Variants in SMAD1 observed in about 807,000 individuals in gnomAD.
The protein encoded by SMAD1 is SMAD family member 1.
A neutral mutation model predicts 41.6 loss-of-function variants in SMAD1; 6 were observed. That is an observed-to-expected ratio of 0.14 (90% CI 0.08 to 0.28). The LOEUF is 0.28. Among genes scored for constraint, SMAD1 ranks in the 10% least tolerant of loss-of-function variants. The pLI is 1.00. For synonymous variants in SMAD1, 206 were observed against 203.2 expected, an observed-to-expected ratio of 1.01 and a Z score of -0.12; for missense variants, 379 against 582.6, an observed-to-expected ratio of 0.65 and a Z score of 3.60.
intron 1 of SMAD1, among the ~76,000 whole-genome samples, chr4:145,506,378 T>A (rs1254049847): frequency 2.0e-5 from 3 of 152,146 alleles, no homozygotes; most frequent in Non-Finnish European, 4.4e-5. Context: ...TTATCTTCTG[T>A]TATTTGCCTT....
At position 145,529,651 on chromosome 4, in the gene SMAD1, A is replaced by T. The variant is rs948186821; in HGVS notation, c.401-10153A>T. ...TGCCAGCCTTTTCCATGTCATTTGG[A>T]TTTATATCTGTATACTGTCAAAGAA... is the stretch of plus-strand genomic sequence containing the variant. On this transcript the variant is annotated intron_variant, in intron 2 of 6. Transcript: ENST00000302085. Among the ~76,000 whole-genome samples the T allele has an allele frequency of 5.3e-5, 8 of 152,158 alleles. No homozygotes were observed. In the East Asian group the frequency reaches 1.3e-3, roughly 26 times the overall value.
intron 2 of SMAD1, among the ~76,000 whole-genome samples, chr4:145,518,947 G>A (rs1194024033): frequency 1.6e-5 from 2 of 125,322 alleles, no homozygotes; most frequent in Non-Finnish European, 3.9e-5. Flanking sequence ...TTTGGTACAT[G>A]TATACATTGT....
At chr4:145,556,929 C>T (rs1439437059) in intron 6 of SMAD1, among the ~76,000 whole-genome samples, 4 of 152,182 alleles carry the variant, frequency 2.6e-5, no homozygotes, top group East Asian at 3.9e-4. Flanking sequence ...CTGTCCATCT[C>T]GGCCTCCCAA....
chr4:145,553,305 A>T (rs769939138), intron 5 of SMAD1, among the ~76,000 whole-genome samples: 44 of 152,004 alleles, frequency 2.9e-4, no homozygotes, highest in Non-Finnish European at 3.1e-4. Context: ...TTTATCAGTC[A>T]TACATCAGCC....
intron 1 of SMAD1, among the ~76,000 whole-genome samples, chr4:145,501,992 A>G (rs936503832): frequency 1.3e-5 from 2 of 152,204 alleles, no homozygotes; most frequent in Non-Finnish European, 2.9e-5. Context: ...AATCATTCAT[A>G]ACTAGCCACT....
chr4:145,515,324 T>G (rs59846899), intron 2 of SMAD1, among the ~76,000 whole-genome samples: 20,379 of 152,110 alleles, frequency 0.13, 2,786 homozygotes, highest in African/African-American at 0.34. Context: ...ATTGTTTTCT[T>G]TCTAAATTTA....
At chr4:145,509,616 A>G (rs1192806107) in intron 1 of SMAD1, among the ~76,000 whole-genome samples, 2 of 152,210 alleles carry the variant, frequency 1.3e-5, no homozygotes, top group African/African-American at 4.8e-5. Flanking sequence ...CATATAGAAT[A>G]TGAAGAAATA....
At chr4:145,504,956 C>T (rs1729681866) in intron 1 of SMAD1, among the ~76,000 whole-genome samples, 1 of 152,052 alleles carries the variant, frequency 6.6e-6, no homozygotes, top group Non-Finnish European at 1.5e-5. Context: ...ATGGTTTTTC[C>T]AACCTTTGTG....
chr4:145,544,751 A>G (rs772338342), intron 4 of SMAD1: 2 of 152,080 alleles, frequency 1.3e-5, no homozygotes, highest in African/African-American at 4.8e-5. Flanking sequence ...CTTATCAAAC[A>G]TAATTCTGAG....
intron 1 of SMAD1, among the ~76,000 whole-genome samples, chr4:145,499,640 A>G (rs980655443): frequency 1.3e-5 from 2 of 152,114 alleles, no homozygotes; most frequent in South Asian, 2.1e-4. Context: ...ATTTCAGCCT[A>G]TGTGCATAAG....
chr4:145,536,348 T>C (rs1319500281), intron 2 of SMAD1, among the ~76,000 whole-genome samples: 4 of 152,242 alleles, frequency 2.6e-5, no homozygotes, highest in South Asian at 2.1e-4. Flanking sequence ...CAGAGATTGC[T>C]GGAGTGGTGG....
intron 1 of SMAD1, among the ~76,000 whole-genome samples, chr4:145,495,779 CTTT>C (rs397938427): frequency 4.3e-5 from 5 of 117,470 alleles, no homozygotes; most frequent in Admixed American, 8.6e-5. Context: ...CAGTGCTTGG[CTTT>C]TTTTTTTTTT....
intron 2 of SMAD1, among the ~76,000 whole-genome samples, chr4:145,539,421 T>TA (rs1731795842): frequency 6.6e-6 from 1 of 152,254 alleles, no homozygotes; most frequent in African/African-American, 2.4e-5. Flanking sequence ...TGTGAAGTCT[T>TA]ATCAGCCAGG....
At chr4:145,506,426 A>G (rs1253734833) in intron 1 of SMAD1, among the ~76,000 whole-genome samples, 1 of 152,074 alleles carries the variant, frequency 6.6e-6, no homozygotes, top group Non-Finnish European at 1.5e-5. Flanking sequence ...TTTTTCCCCC[A>G]GTCACTTTTT....
chr4:145,537,438 T>C (rs1242812108), intron 2 of SMAD1, among the ~76,000 whole-genome samples: 1 of 152,064 alleles, frequency 6.6e-6, no homozygotes, highest in African/African-American at 2.4e-5. Context: ...GGGTAAAGGG[T>C]ATTTGAGTGT....
At chr4:145,552,602 A>T (rs1468380050) in intron 5 of SMAD1, among the ~76,000 whole-genome samples, 8 of 152,120 alleles carry the variant, frequency 5.3e-5, no homozygotes, top group Admixed American at 5.2e-4. Flanking sequence ...AATTTTACAC[A>T]CACAGTATGA....
intron 2 of SMAD1, among the ~76,000 whole-genome samples, chr4:145,520,361 C>G (rs572330718): frequency 6.6e-6 from 1 of 152,070 alleles, no homozygotes; most frequent in Non-Finnish European, 1.5e-5. Context: ...ATTCTTAAAC[C>G]CTTCCACAGA....
In SMAD1 at chr4:145,522,937, A is replaced by G. The variant is rs368270958; in HGVS notation, c.400+7924A>G. Among the ~76,000 whole-genome samples, 66 of 152,200 alleles carry G rather than the reference A, an allele frequency of 4.3e-4. 1 individual carries two copies. The South Asian group carries it at 0.012, about 27-fold the overall frequency. ...TGTGATCTGCCCGCCTCAGCCTCCC[A>G]AAGTGCTGGGATTACAGGCGTGAGC... On this transcript the variant is annotated intron_variant, in intron 2 of 6. Coordinates refer to ENST00000302085, the MANE Select transcript of SMAD1 (RefSeq NM_005900.3).
rs368971041 is a variant in SMAD1, at chr4:145,542,551, T to G, written c.659-31T>G. 4 of 1,366,572 alleles carry G rather than the reference T, an allele frequency of 2.9e-6. No individual in the cohort carries two copies. In the South Asian group the frequency reaches 4.9e-5, roughly 17 times the overall value. 84.7% of individuals were successfully genotyped at this position (1,366,572 alleles called of 1,614,324 possible). A position where few individuals can be genotyped will look rare whatever the true frequency, so the allele number is the denominator to read the frequency against. On this transcript the variant is annotated intron_variant, in intron 3 of 6. Coordinates refer to ENST00000302085, the MANE Select transcript of SMAD1 (RefSeq NM_005900.3). ...TTTGAGCATGTATGTTTACTAAGGGTTAAGAAATAACTTCTTTAAAAACTT... is the reference window on the plus strand; with the variant it reads ...TTTGAGCATGTATGTTTACTAAGGGGTAAGAAATAACTTCTTTAAAAACTT...
Sources: gnomAD v4.1 joint callset for allele counts (sites outside exome capture counted in the v4.1 genomes callset) on GRCh38, gnomAD v4.1.1 for gene constraint, MANE v1.5 for transcripts, NCBI Gene and HGNC (gene_info 2026-07-23, HGNC 2026-07-21) for gene names.